Variants in ANGPT1 observed in about 807,000 individuals in gnomAD.
The protein encoded by ANGPT1 is angiopoietin-1.
A neutral mutation model predicts 62.2 loss-of-function variants in ANGPT1; 17 were observed. That is an observed-to-expected ratio of 0.27 (90% confidence interval 0.19 to 0.41). The LOEUF (loss-of-function observed/expected upper bound fraction) is 0.41. Ranked by LOEUF, ANGPT1 falls within the 10% of genes least tolerant of loss-of-function variation. The pLI is 1.00. For synonymous variants in ANGPT1, 199 were observed against 198.9 expected, an observed-to-expected ratio of 1.00 and a Z score of 0.00; for missense variants, 478 against 594.9, an observed-to-expected ratio of 0.80 and a Z score of 2.04.
At chr8:107,384,450 CA>C (rs5893856) in intron 1 of ANGPT1, among the ~76,000 whole-genome samples, 86,117 of 150,654 alleles carry the variant, frequency 0.57, 25,113 homozygotes, top group Middle Eastern at 0.64. Flanking sequence ...GTGTTAATTA[CA>C]AAAAAAAAAT....
chr8:107,388,563 C>T (rs1390792823), intron 1 of ANGPT1, among the ~76,000 whole-genome samples: 3 of 152,124 alleles, frequency 2.0e-5, no homozygotes, highest in African/African-American at 7.2e-5. Context: ...AGCTCGTTGT[C>T]ATTTGAAAAA....
At chr8:107,293,658 C>A (rs955690597) in intron 6 of ANGPT1, among the ~76,000 whole-genome samples, 1 of 152,128 alleles carries the variant, frequency 6.6e-6, no homozygotes, top group East Asian at 1.9e-4. Flanking sequence ...TGAGTTCTAG[C>A]TTCCCCCACC....
chr8:107,435,360 A>G (rs973636536), intron 1 of ANGPT1, among the ~76,000 whole-genome samples: 1 of 152,258 alleles, frequency 6.6e-6, no homozygotes, highest in Admixed American at 6.5e-5. Flanking sequence ...TTATCTAATA[A>G]CAGCTTATAG....
At chr8:107,491,217 A>T (rs1586367014) in intron 1 of ANGPT1, among the ~76,000 whole-genome samples, 1 of 152,274 alleles carries the variant, frequency 6.6e-6, no homozygotes, top group East Asian at 1.9e-4. Flanking sequence ...CTCATAGAGC[A>T]TAGTGTCTAT....
intron 1 of ANGPT1, among the ~76,000 whole-genome samples, chr8:107,380,057 G>A (rs1011682446): frequency 1.3e-5 from 2 of 152,062 alleles, no homozygotes; most frequent in African/African-American, 4.8e-5. Context: ...TAACAAATCT[G>A]CTTCATCATC....
At chr8:107,254,877 G>T (rs1230974455) in intron 8 of ANGPT1, among the ~76,000 whole-genome samples, 1 of 151,920 alleles carries the variant, frequency 6.6e-6, no homozygotes, top group Non-Finnish European at 1.5e-5. Flanking sequence ...AACCACAATC[G>T]AACCAGAAGA....
intron 5 of ANGPT1, among the ~76,000 whole-genome samples, chr8:107,297,810 G>A (rs1563556046): frequency 6.7e-6 from 1 of 149,972 alleles, no homozygotes; most frequent in Non-Finnish European, 1.5e-5. Flanking sequence ...TAAGAGGTTG[G>A]ACTCACTCTA....
intron 1 of ANGPT1, among the ~76,000 whole-genome samples, chr8:107,428,609 G>A (rs1442196918): frequency 6.6e-6 from 1 of 151,238 alleles, no homozygotes; most frequent in Non-Finnish European, 1.5e-5. Flanking sequence ...TATTATTGTA[G>A]TAGTGCTGGT....
chr8:107,333,990 G>GA (rs1399129355), intron 3 of ANGPT1, among the ~76,000 whole-genome samples: 186 of 105,308 alleles, frequency 1.8e-3, no homozygotes, highest in African/African-American at 2.8e-3. Flanking sequence ...GGGAGGGAGG[G>GA]AGGGAGGGAA....
intron 6 of ANGPT1, among the ~76,000 whole-genome samples, chr8:107,292,402 A>G (rs1814300447): frequency 6.6e-6 from 1 of 152,210 alleles, no homozygotes; most frequent in African/African-American, 2.4e-5. Flanking sequence ...CTAGTAATGT[A>G]CACTGAGTAC....
At chr8:107,438,374 C>T (rs774338661) in intron 1 of ANGPT1, among the ~76,000 whole-genome samples, 4 of 151,582 alleles carry the variant, frequency 2.6e-5, no homozygotes, top group Non-Finnish European at 4.4e-5. Flanking sequence ...GATATAATTC[C>T]AGTGATATTT....
At chr8:107,378,562 A>C (rs942438326) in intron 1 of ANGPT1, among the ~76,000 whole-genome samples, 3 of 152,072 alleles carry the variant, frequency 2.0e-5, no homozygotes, top group African/African-American at 7.2e-5. Flanking sequence ...CTATGTCCCC[A>C]CTGAAATCTC....
At chr8:107,257,870 G>GTTTTTTTTTTTTTTTTTTTTTTTTT (rs750634420) in intron 8 of ANGPT1, among the ~76,000 whole-genome samples, 3 of 45,246 alleles carry the variant, frequency 6.6e-5, no homozygotes, top group Admixed American at 2.5e-4. Context: ...CCAAGGACTT[G>GTTTTTTTTTTTTTTTTTTTTTTTTT]TTTTTGTTTC....
chr8:107,324,692 A>C (rs985208146), intron 3 of ANGPT1, among the ~76,000 whole-genome samples: 1 of 152,234 alleles, frequency 6.6e-6, no homozygotes, highest in African/African-American at 2.4e-5. Context: ...TATGGCAGGA[A>C]AGCTGCCTGT....
At chr8:107,428,594 G>C (rs1811095727) in intron 1 of ANGPT1, among the ~76,000 whole-genome samples, 2 of 151,574 alleles carry the variant, frequency 1.3e-5, no homozygotes, top group East Asian at 3.9e-4. Context: ...GGTTTTTCTT[G>C]GTCTTATTAT....
chr8:107,464,677 C>T (rs566911364), intron 1 of ANGPT1, among the ~76,000 whole-genome samples: 1 of 152,090 alleles, frequency 6.6e-6, no homozygotes, highest in Admixed American at 6.6e-5. Context: ...GCCCCAACTT[C>T]CTCTCCTTTG....
At chr8:107,253,231 A>G (rs141605426) in intron 8 of ANGPT1, among the ~76,000 whole-genome samples, 80 of 152,318 alleles carry the variant, frequency 5.3e-4, no homozygotes, top group African/African-American at 1.9e-3. Context: ...CTGTATGCAA[A>G]CAACATAAAT....
chr8:107,388,980 T>C (rs552109782), intron 1 of ANGPT1, among the ~76,000 whole-genome samples: 1 of 152,304 alleles, frequency 6.6e-6, no homozygotes, highest in East Asian at 1.9e-4. Context: ...GCTATATGGC[T>C]GCATACACAG....
intron 1 of ANGPT1, among the ~76,000 whole-genome samples, chr8:107,415,043 T>C (rs1810700139): frequency 6.6e-6 from 1 of 152,116 alleles, no homozygotes; most frequent in South Asian, 2.1e-4. Context: ...CTGAACTAGG[T>C]AGGTGGTTGT....
Sources: allele counts gnomAD v4.1 joint callset (sites outside exome capture counted in the v4.1 genomes callset), GRCh38; gene constraint gnomAD v4.1.1; transcripts MANE v1.5; gene names NCBI Gene and HGNC (gene_info 2026-07-23, HGNC 2026-07-21).